Variants in CPED1 observed in about 807,000 individuals in gnomAD.
CPED1 encodes cadherin like and PC-esterase domain containing 1.
A neutral mutation model predicts 128.2 loss-of-function variants in CPED1; 114 were observed. That is an observed-to-expected ratio of 0.89 (90% CI 0.76 to 1.04). The LOEUF (loss-of-function observed/expected upper bound fraction) is 1.04, where lower values mean the gene tolerates loss of function less well. CPED1 is among the 50% of genes least tolerant of loss of function. The pLI is 0.00. For synonymous variants in CPED1, 462 were observed against 426.7 expected, an observed-to-expected ratio of 1.08 and a Z score of -1.02; for missense variants, 1,211 against 1,207.1, an observed-to-expected ratio of 1.00 and a Z score of -0.05.
Position 121,055,954 on chromosome 7 carries a change from C to T in CPED1, c.541-8284C>T, listed in dbSNP as rs75432204. Among the ~76,000 whole-genome samples the T allele has an allele frequency of 7.5e-3, 1,143 of 151,972 alleles. 20 individuals are homozygous for T. The highest frequency in any genetic ancestry group is 0.026 in the African/African-American group (1,087 of 41,506). ...TATTTCTTGGAACTTACATATTATT[C>T]TTTCTGGTCAGAGGATTGAACAATT... is the stretch of plus-strand genomic sequence containing the variant. On this transcript the variant is annotated intron_variant, in intron 4 of 22. Coordinates refer to ENST00000310396, the MANE Select transcript of CPED1 (RefSeq NM_024913.5).
intron 5 of CPED1, among the ~76,000 whole-genome samples, chr7:121,079,595 C>T (rs145215862): frequency 1.4e-3 from 213 of 152,320 alleles, no homozygotes; most frequent in African/African-American, 4.7e-3. Context: ...TCCTGTGTTG[C>T]TCATAGCTTT....
chr7:121,163,144 A>G (rs977694733), intron 16 of CPED1, among the ~76,000 whole-genome samples: 1 of 152,160 alleles, frequency 6.6e-6, no homozygotes, highest in Non-Finnish European at 1.5e-5. Flanking sequence ...AACTCTCCTC[A>G]TGGACTCCAA....
rs555662764 is a variant in CPED1, at chr7:121,083,342, C to T, written c.617-14357C>T. Among the ~76,000 whole-genome samples the T allele has an allele frequency of 4.6e-5, 7 of 152,252 alleles. No homozygotes were observed. In the South Asian group the frequency reaches 1.2e-3, roughly 27 times the overall value. On this transcript the variant is annotated intron_variant, in intron 5 of 22. Coordinates refer to ENST00000310396, the MANE Select transcript of CPED1 (RefSeq NM_024913.5). ...CTCCAGAATAATAGTGACCCCCTCC[C>T]ACATGGGGCACTTGGAAGGGCCAAG... is the stretch of plus-strand genomic sequence containing the variant.
intron 16 of CPED1, among the ~76,000 whole-genome samples, chr7:121,162,267 G>T (rs1392904785): frequency 6.6e-6 from 1 of 152,200 alleles, no homozygotes; most frequent in Non-Finnish European, 1.5e-5. Context: ...TGCTACTTTG[G>T]AAGGATGATT....
At chr7:121,082,737 C>T (rs1316014891) in intron 5 of CPED1, among the ~76,000 whole-genome samples, 6 of 152,122 alleles carry the variant, frequency 3.9e-5, no homozygotes, top group African/African-American at 1.4e-4. Context: ...TGTAAAGCAG[C>T]ATATCCATAT....
At chr7:121,039,191 A>G (rs1301725698) in intron 3 of CPED1, among the ~76,000 whole-genome samples, 1 of 151,994 alleles carries the variant, frequency 6.6e-6, no homozygotes, top group Admixed American at 6.6e-5. Context: ...TCAGTCAGTT[A>G]TTTGCACCAT....
intron 22 of CPED1, among the ~76,000 whole-genome samples, chr7:121,282,343 T>A (rs993456327): frequency 3.9e-5 from 6 of 152,156 alleles, no homozygotes; most frequent in African/African-American, 1.4e-4. Context: ...CAGCTTTCTT[T>A]CAAAGTCACA....
intron 2 of CPED1, among the ~76,000 whole-genome samples, chr7:120,996,162 G>GC (rs997080146): frequency 6.6e-6 from 1 of 152,070 alleles, no homozygotes; most frequent in South Asian, 2.1e-4. Context: ...TGTGCCTGGA[G>GC]CCCCCCAGCT....
chr7:121,170,838 G>A (rs368314164), intron 16 of CPED1, among the ~76,000 whole-genome samples: 1 of 152,028 alleles, frequency 6.6e-6, no homozygotes, highest in African/African-American at 2.4e-5. Flanking sequence ...ATCACCTGAG[G>A]TCGGGAGTTC....
chr7:121,192,455 C>A (rs896756092), intron 16 of CPED1, among the ~76,000 whole-genome samples: 1 of 152,116 alleles, frequency 6.6e-6, no homozygotes. Context: ...AAGAAATATA[C>A]AACCTATAGG....
chr7:121,147,856 T>C (rs1052918957), intron 16 of CPED1, among the ~76,000 whole-genome samples: 20 of 152,172 alleles, frequency 1.3e-4, no homozygotes, highest in African/African-American at 4.6e-4. Context: ...ATTTGATGAC[T>C]TATTTTTAAA....
chr7:121,234,911 T>G (rs577117856), intron 16 of CPED1, among the ~76,000 whole-genome samples: 1 of 152,264 alleles, frequency 6.6e-6, no homozygotes, highest in South Asian at 2.1e-4. Context: ...CTTAGTCCAT[T>G]TAGATTTATC....
chr7:120,997,818 A>T (rs1468616762), intron 2 of CPED1, among the ~76,000 whole-genome samples: 2 of 152,084 alleles, frequency 1.3e-5, no homozygotes, highest in Non-Finnish European at 1.5e-5. Context: ...GCTACTCAGT[A>T]GACTGAGACA....
chr7:121,074,191 T>C (rs892162957), intron 5 of CPED1, among the ~76,000 whole-genome samples: 1 of 151,836 alleles, frequency 6.6e-6, no homozygotes, highest in Non-Finnish European at 1.5e-5. Context: ...TGGGGTTCTG[T>C]GTGATCAGGG....
At chr7:121,210,535 A>C (rs1797620497) in intron 16 of CPED1, among the ~76,000 whole-genome samples, 1 of 152,066 alleles carries the variant, frequency 6.6e-6, no homozygotes, top group Non-Finnish European at 1.5e-5. Context: ...GACATTATGC[A>C]AAATGAGATA....
chr7:121,194,046 ATAT>A (rs1393938212), intron 16 of CPED1, among the ~76,000 whole-genome samples: 58 of 52,988 alleles, frequency 1.1e-3, no homozygotes, highest in African/African-American at 2.8e-3. Context: ...ATATATATAT[ATAT>A]TTTTTTTTTT....
In CPED1 at chr7:121,097,818, A is replaced by G. The variant is rs1261837563; in HGVS notation, c.736A>G (p.Ser246Gly). Reference protein sequence around the residue: ...KPRVWKPGDWSREQLNETTVL... With the variant: ...KPRVWKPGDWGREQLNETTVL... The stretch of plus-strand genomic sequence containing the variant: ...ACGTGTGTGGAAACCAGGGGACTGG[A>G]GTCGTGAACAGCTGTAAGCTAATCA... Residue 246 changes from serine to glycine, a missense_variant, in exon 6 of 23, where the codon AGT (serine) becomes GGT (glycine). Ser to Gly is a moderately conservative substitution (Grantham distance 56, BLOSUM62 0). Coordinates refer to ENST00000310396, the MANE Select transcript of CPED1 (RefSeq NM_024913.5). 2.5e-6 allele frequency: 4 copies of G among 1,613,786 alleles called. No homozygotes were observed. Among genetic ancestry groups the G allele is most frequent in the Non-Finnish European group, 2.5e-6 (3 of 1,179,732 alleles).
At chr7:121,057,546 C>T (rs147728566) in intron 4 of CPED1, among the ~76,000 whole-genome samples, 1 of 152,294 alleles carries the variant, frequency 6.6e-6, no homozygotes, top group African/African-American at 2.4e-5. Context: ...TTTTCTGTTT[C>T]TGACTTAATT....
chr7:121,224,988 TG>T (rs1797969101), intron 16 of CPED1, among the ~76,000 whole-genome samples: 2 of 152,108 alleles, frequency 1.3e-5, no homozygotes, highest in Non-Finnish European at 2.9e-5. Context: ...AGGTTAATGT[TG>T]TTTTGTGTGA....
Sources: gnomAD v4.1 joint callset for allele counts (sites outside exome capture counted in the v4.1 genomes callset) on GRCh38, gnomAD v4.1.1 for gene constraint, MANE v1.5 for transcripts, NCBI Gene and HGNC (gene_info 2026-07-23, HGNC 2026-07-21) for gene names.